The following TWIST2 variants were observed in gnomAD, a reference collection of about 807,000 sequenced individuals.
TWIST2 encodes twist family bHLH transcription factor 2.
In TWIST2, 1 loss-of-function variant was observed where a neutral mutation model predicts 11.6. The observed-to-expected ratio is 0.09, with a 90% CI of 0.03 to 0.41. The LOEUF is 0.41. TWIST2 is among the 10% of genes least tolerant of loss of function. TWIST2 has a pLI of 0.98. For synonymous variants in TWIST2, 87 were observed against 96.6 expected (o/e 0.90, Z 0.58); for missense variants, 168 against 226.4 (o/e 0.74, Z 1.66).
intron 1 of TWIST2, among the ~76,000 whole-genome samples, chr2:238,873,960 C>T (rs1157745694): frequency 6.6e-6 from 1 of 152,116 alleles, no homozygotes; most frequent in Non-Finnish European, 1.5e-5. Flanking sequence ...TCTAAACTTG[C>T]TGATCCATGT....
chr2:238,875,819 A>C (rs1313460965), intron 1 of TWIST2, among the ~76,000 whole-genome samples: 1 of 152,246 alleles, frequency 6.6e-6, no homozygotes. Flanking sequence ...GTTACCTCAC[A>C]GATCCTTGGC....
At chr2:238,859,592 A>G (rs1692394284) in intron 1 of TWIST2, among the ~76,000 whole-genome samples, 1 of 150,860 alleles carries the variant, frequency 6.6e-6, no homozygotes, top group Non-Finnish European at 1.5e-5. Flanking sequence ...AAAAAATCCT[A>G]CTTCCCAGAC....
At chr2:238,901,383 G>A (rs1345439077) in intron 1 of TWIST2, among the ~76,000 whole-genome samples, 2 of 152,240 alleles carry the variant, frequency 1.3e-5, no homozygotes, top group Non-Finnish European at 2.9e-5. Flanking sequence ...TATTTGTTTT[G>A]TTGTTTCCAG....
chr2:238,880,789 G>T (rs62642777), intron 1 of TWIST2, among the ~76,000 whole-genome samples: 2 of 121,804 alleles, frequency 1.6e-5, no homozygotes, highest in South Asian at 5.5e-4. Context: ...TAGTATTAGT[G>T]TTAGTGTTAG....
intron 1 of TWIST2, among the ~76,000 whole-genome samples, chr2:238,898,881 T>G (rs1693237443): frequency 6.6e-6 from 1 of 152,226 alleles, no homozygotes; most frequent in Admixed American, 6.5e-5. Flanking sequence ...GCTTTGTTAT[T>G]TGGAAGCCTG....
At chr2:238,859,853 C>T (rs1174478969) in intron 1 of TWIST2, among the ~76,000 whole-genome samples, 1 of 152,208 alleles carries the variant, frequency 6.6e-6, no homozygotes, top group Non-Finnish European at 1.5e-5. Context: ...TTTTGCCTGC[C>T]CTCTGCTTTT....
intron 1 of TWIST2, among the ~76,000 whole-genome samples, chr2:238,872,960 A>C (rs1385838430): frequency 2.0e-5 from 3 of 152,164 alleles, no homozygotes; most frequent in African/African-American, 7.2e-5. Context: ...AATGACTAGA[A>C]TCTGTCTCTC....
intron 1 of TWIST2, among the ~76,000 whole-genome samples, chr2:238,881,349 G>A (rs1250477037): frequency 6.7e-6 from 1 of 148,904 alleles, no homozygotes; most frequent in East Asian, 2.0e-4. Flanking sequence ...TAGTGTCAGT[G>A]TTAGTATTAG....
At chr2:238,884,950 C>A (rs1034334769) in intron 1 of TWIST2, among the ~76,000 whole-genome samples, 1 of 152,220 alleles carries the variant, frequency 6.6e-6, no homozygotes, top group Non-Finnish European at 1.5e-5. Context: ...AGGGGCAGAG[C>A]AGGCCAGGGG....
chr2:238,891,387 CTG>C (rs1027855505), intron 1 of TWIST2, among the ~76,000 whole-genome samples: 1 of 152,230 alleles, frequency 6.6e-6, no homozygotes, highest in African/African-American at 2.4e-5. Context: ...GGCCGAGCAC[CTG>C]TGTGTCTCCT....
intron 1 of TWIST2, among the ~76,000 whole-genome samples, chr2:238,881,215 TAGTGTTAGTGTCAG>T (rs1692919561): frequency 7.8e-6 from 1 of 128,964 alleles, no homozygotes. Context: ...CTGTTAGTCT[TAGTGTTAGTGTCAG>T]TATTAGTATT....
At chr2:238,904,842 G>T (rs1214398864) in intron 1 of TWIST2, among the ~76,000 whole-genome samples, 1 of 152,024 alleles carries the variant, frequency 6.6e-6, no homozygotes, top group African/African-American at 2.4e-5. Flanking sequence ...AAAAATGAAT[G>T]AATTGGTGAA....
chr2:238,879,039 G>A (rs939840850), intron 1 of TWIST2, among the ~76,000 whole-genome samples: 3 of 152,182 alleles, frequency 2.0e-5, no homozygotes, highest in Non-Finnish European at 2.9e-5. Context: ...ATACCATGTC[G>A]CATGTATGCT....
chr2:238,866,731 T>C lies in TWIST2; in HGVS notation c.*35+17998T>C, dbSNP rs1692543871. ...TGCTCTCCCTTGACTGGAATCTCCC[T>C]TGTGCCCGACAGGACTACCTCCAGT... On this transcript the variant is annotated intron_variant, in intron 1 of 1. Transcript: ENST00000612363. The surrounding 1 kb of genome is among the most constrained non-coding windows in gnomAD (Gnocchi z 4.9). Among the ~76,000 whole-genome samples the C allele has an allele frequency of 6.6e-6, 1 of 152,252 alleles. No homozygotes were observed. The highest frequency in any genetic ancestry group is 2.1e-4 in the South Asian group (1 of 4,824).
At chr2:238,849,716 A>C (rs1692210531) in intron 1 of TWIST2, among the ~76,000 whole-genome samples, 1 of 152,224 alleles carries the variant, frequency 6.6e-6, no homozygotes, top group Non-Finnish European at 1.5e-5. Flanking sequence ...TTCCTCTGGA[A>C]GAGCGATTAG....
chr2:238,854,138 TC>T (rs1692290411), intron 1 of TWIST2, among the ~76,000 whole-genome samples: 1 of 152,166 alleles, frequency 6.6e-6, no homozygotes, highest in Non-Finnish European at 1.5e-5. Context: ...GTTCAGATTT[TC>T]CCTTCACTGA....
intron 1 of TWIST2, among the ~76,000 whole-genome samples, chr2:238,899,303 G>T (rs1161358047): frequency 6.6e-6 from 1 of 152,264 alleles, no homozygotes. Context: ...GACCCAGTTG[G>T]GGAAGAAAAC....
At chr2:238,880,107 TTATA>T (rs1692881936) in intron 1 of TWIST2, among the ~76,000 whole-genome samples, 1 of 151,104 alleles carries the variant, frequency 6.6e-6, no homozygotes, top group South Asian at 2.1e-4. Context: ...TAGTATTTAT[TTATA>T]CTCGTGCTAG....
chr2:238,881,434 TCGG>T (rs1692928054), intron 1 of TWIST2, among the ~76,000 whole-genome samples: 1 of 151,780 alleles, frequency 6.6e-6, no homozygotes, highest in African/African-American at 2.4e-5. Context: ...AGTATTAGTG[TCGG>T]TATTTATTAG....
Sources: gnomAD v4.1 joint callset for allele counts (sites outside exome capture counted in the v4.1 genomes callset) on GRCh38, gnomAD v4.1.1 for gene constraint, Gnocchi (gnomAD v3.1) non-coding constraint, MANE v1.5 for transcripts, NCBI Gene and HGNC (gene_info 2026-07-23, HGNC 2026-07-21) for gene names.